Variants in ALK observed in about 807,000 individuals in gnomAD.
ALK encodes ALK receptor tyrosine kinase.
In ALK, 74 loss-of-function variants were observed where a neutral mutation model predicts 163.1. The observed-to-expected ratio is 0.45, with a 90% confidence interval of 0.38 to 0.55. The LOEUF (loss-of-function observed/expected upper bound fraction) is 0.55, where lower values mean the gene tolerates loss of function less well. Ranked by LOEUF, ALK falls within the 20% of genes least tolerant of loss-of-function variation. ALK has a pLI of 0.00. For missense variants in ALK, 2,063 were observed against 2,105.3 expected (o/e 0.98, Z 0.39); for synonymous variants, 960 against 843.2 (o/e 1.14, Z -2.40).
chr2:29,750,576 T>C (rs1395984234), intron 1 of ALK, among the ~76,000 whole-genome samples: 2 of 147,914 alleles, frequency 1.4e-5, no homozygotes, highest in South Asian at 2.1e-4. Context: ...AGTGGGAAGA[T>C]TGCTTGAGGT....
intron 1 of ALK, among the ~76,000 whole-genome samples, chr2:29,853,562 C>A (rs1335246157): frequency 6.6e-6 from 1 of 152,206 alleles, no homozygotes; most frequent in African/African-American, 2.4e-5. Flanking sequence ...AGCCTCTCAA[C>A]CAGCTTCCTT....
chr2:29,435,862 T>G (rs1670383299), intron 4 of ALK, among the ~76,000 whole-genome samples: 2 of 152,186 alleles, frequency 1.3e-5, no homozygotes, highest in African/African-American at 4.8e-5. Context: ...ATTTTTATTT[T>G]TCTGTATAAG....
intron 1 of ALK, among the ~76,000 whole-genome samples, chr2:29,885,877 C>T (rs555752514): frequency 6.6e-6 from 1 of 152,288 alleles, no homozygotes; most frequent in Admixed American, 6.5e-5. Flanking sequence ...TGTATAGAAA[C>T]ATTTTTAGAG....
At chr2:29,681,246 A>G (rs1439333967) in intron 3 of ALK, 1 of 152,210 alleles carries the variant, frequency 6.6e-6, no homozygotes, top group Non-Finnish European at 1.5e-5. Context: ...TACAGCTCAG[A>G]ACTCCGGGGT....
At chr2:29,264,349 T>C (rs558357265) in intron 11 of ALK, among the ~76,000 whole-genome samples, 8 of 152,254 alleles carry the variant, frequency 5.3e-5, no homozygotes, top group Non-Finnish European at 1.0e-4. Context: ...TCCCACGTCC[T>C]TGAAGGAACC....
chr2:29,708,107 A>G (rs1189129899), intron 2 of ALK, among the ~76,000 whole-genome samples: 1 of 152,178 alleles, frequency 6.6e-6, no homozygotes, highest in Non-Finnish European at 1.5e-5. Flanking sequence ...TCGCTCTGTC[A>G]CCCAGGCTGG....
In ALK at chr2:29,646,758, T is replaced by C. The variant is rs190474039; in HGVS notation, c.952+48092A>G. On this transcript the variant is annotated intron_variant, in intron 3 of 28. Transcript: ENST00000389048. ...GACCTCCTTCAATTCTTTGTTCAAA[T>C]TTCTCTGTCACACAAAGCTTTCCTG... 2.4e-4 allele frequency among the ~76,000 whole-genome samples: 37 copies of C among 152,298 alleles called. No individual in the cohort carries two copies. In the East Asian group the frequency reaches 6.6e-3, roughly 27 times the overall value.
chr2:29,705,712 A>C (rs1678890278), intron 2 of ALK, among the ~76,000 whole-genome samples: 1 of 152,152 alleles, frequency 6.6e-6, no homozygotes, highest in African/African-American at 2.4e-5. Context: ...TCAACTGAAA[A>C]ATAAGAATTA....
chr2:29,564,582 C>T (rs3922933), intron 3 of ALK, among the ~76,000 whole-genome samples: 28,402 of 152,088 alleles, frequency 0.19, 2,764 homozygotes, highest in South Asian at 0.24. Flanking sequence ...GGTCAACCTG[C>T]CCTCTCATCC....
chr2:29,298,329 A>T (rs900769503), intron 8 of ALK, among the ~76,000 whole-genome samples: 1 of 151,596 alleles, frequency 6.6e-6, no homozygotes, highest in Non-Finnish European at 1.5e-5. Context: ...GAATCTGTTA[A>T]TTTTTTTTTC....
At chr2:29,335,065 G>C (rs35069081) in intron 5 of ALK, among the ~76,000 whole-genome samples, 227 of 152,320 alleles carry the variant, frequency 1.5e-3, no homozygotes, top group Non-Finnish European at 2.5e-3. Flanking sequence ...GCAGAGCAAC[G>C]AGGAAGGGCA....
At chr2:29,334,508 T>C (rs980522971) in intron 5 of ALK, among the ~76,000 whole-genome samples, 9 of 152,110 alleles carry the variant, frequency 5.9e-5, no homozygotes, top group African/African-American at 9.7e-5. Flanking sequence ...CAAGGAGTGG[T>C]AATGGTGGGC....
At chr2:29,236,077 G>T (rs530596410) in intron 13 of ALK, among the ~76,000 whole-genome samples, 1 of 150,616 alleles carries the variant, frequency 6.6e-6, no homozygotes, top group South Asian at 2.1e-4. Flanking sequence ...CACTAACTAA[G>T]CGATTCTCCT....
intron 3 of ALK, among the ~76,000 whole-genome samples, chr2:29,649,217 T>TGTGA (rs1553341699): frequency 5.1e-4 from 75 of 147,540 alleles, no homozygotes; most frequent in African/African-American, 1.9e-3. Flanking sequence ...TGTGTGTATG[T>TGTGA]GAGAGAGAGA....
intron 1 of ALK, among the ~76,000 whole-genome samples, chr2:29,771,786 G>C (rs892920684): frequency 6.6e-6 from 1 of 151,652 alleles, no homozygotes; most frequent in African/African-American, 2.4e-5. Flanking sequence ...CGCCCGCCTC[G>C]ACCTCCCAAA....
At chr2:29,347,701 G>A (rs1202265941) in intron 5 of ALK, among the ~76,000 whole-genome samples, 1 of 152,270 alleles carries the variant, frequency 6.6e-6, no homozygotes, top group East Asian at 1.9e-4. Flanking sequence ...TATTAGGTGG[G>A]GACTCTCCAG....
At chr2:29,709,515 A>T (rs1341318975) in intron 2 of ALK, among the ~76,000 whole-genome samples, 1 of 152,220 alleles carries the variant, frequency 6.6e-6, no homozygotes, top group Non-Finnish European at 1.5e-5. Context: ...AGGAAACAAG[A>T]TGTGAATTCC....
intron 4 of ALK, among the ~76,000 whole-genome samples, chr2:29,456,546 C>T (rs952932980): frequency 6.6e-6 from 1 of 152,048 alleles, no homozygotes; most frequent in Non-Finnish European, 1.5e-5. Flanking sequence ...ATGCTGGTTG[C>T]CAGGGGCTAG....
chr2:29,603,773 T>C (rs922984433), intron 3 of ALK, among the ~76,000 whole-genome samples: 18 of 152,186 alleles, frequency 1.2e-4, no homozygotes, highest in African/African-American at 4.3e-4. Context: ...TGATGAAGGA[T>C]AGAAACCATC....
Sources: allele counts gnomAD v4.1 joint callset (sites outside exome capture counted in the v4.1 genomes callset), GRCh38; gene constraint gnomAD v4.1.1; transcripts MANE v1.5; gene names NCBI Gene and HGNC (gene_info 2026-07-23, HGNC 2026-07-21).